Variants in ULK4 observed in about 807,000 individuals in gnomAD.
ULK4 encodes the protein unc-51 like kinase 4, also known as inactive serine/threonine-protein kinase ULK4.
A neutral mutation model predicts 160.6 loss-of-function variants in ULK4; 133 were observed. The ratio of observed to expected loss-of-function variants is 0.83; its 90% CI spans 0.72 to 0.96. ULK4 has a LOEUF of 0.96. Among genes scored for constraint, ULK4 ranks in the 40% least tolerant of loss-of-function variants. The pLI is 0.00. For missense variants in ULK4, 1,580 were observed against 1,499.5 expected (o/e 1.05, Z -0.89); for synonymous variants, 534 against 539.8 (o/e 0.99, Z 0.15).
At chr3:41,956,155 G>A (rs1003749676) in intron 1 of ULK4, among the ~76,000 whole-genome samples, 1 of 152,196 alleles carries the variant, frequency 6.6e-6, no homozygotes, top group Non-Finnish European at 1.5e-5. Context: ...CGTAGTCTTG[G>A]TTTGCAACTT....
At chr3:41,863,770 G>A (rs1315422408) in intron 17 of ULK4, among the ~76,000 whole-genome samples, 1 of 151,726 alleles carries the variant, frequency 6.6e-6, no homozygotes, top group Non-Finnish European at 1.5e-5. Flanking sequence ...CAGGGGCCCC[G>A]TGACTTTAAC....
intron 35 of ULK4, among the ~76,000 whole-genome samples, chr3:41,391,801 C>A (rs576616908): frequency 1.3e-5 from 2 of 152,106 alleles, no homozygotes; most frequent in African/African-American, 2.4e-5. Context: ...GGTAAAGATT[C>A]TTCATGGAAT....
chr3:41,780,962 A>T lies in ULK4; in HGVS notation c.2193+8699T>A, dbSNP rs1362274463. 5.3e-5 allele frequency among the ~76,000 whole-genome samples: 8 copies of T among 152,168 alleles called. No individual in the cohort carries two copies. In the East Asian group the frequency reaches 1.5e-3, roughly 29 times the overall value. ...AAGGTTTTGTTAACCCTTTACCTAT[A>T]GATAAGCAGAGATATAAAGAAAGAG... is the stretch of plus-strand genomic sequence containing the variant. On this transcript the variant is annotated intron_variant, in intron 21 of 36. Transcript: ENST00000301831.
intron 34 of ULK4, among the ~76,000 whole-genome samples, chr3:41,447,672 T>C (rs2083332889): frequency 1.3e-5 from 2 of 152,194 alleles, no homozygotes; most frequent in South Asian, 4.1e-4. Flanking sequence ...TGCTCACCAA[T>C]GCTGCCGGGA....
intron 32 of ULK4, among the ~76,000 whole-genome samples, chr3:41,558,767 C>CG (rs1268374083): frequency 6.6e-6 from 1 of 150,468 alleles, no homozygotes; most frequent in Non-Finnish European, 1.5e-5. Flanking sequence ...CTTCGGTGGG[C>CG]GGGGGGAAAT....
chr3:41,706,898 T>TAGAG lies in ULK4; in HGVS notation c.2635-1594_2635-1593insCTCT, dbSNP rs1308593092. Among the ~76,000 whole-genome samples the TAGAG allele has an allele frequency of 4.2e-3, 539 of 126,858 alleles. 5 individuals carry two copies. Among genetic ancestry groups the TAGAG allele is most frequent in the African/African-American group, 0.021 (502 of 23,618 alleles). The allele number at this position is 126,858 out of a possible 152,430, so 83.2% of individuals were successfully genotyped here. On this transcript the variant is annotated intron_variant, in intron 25 of 36. Transcript: ENST00000301831. ...GTGTGTGTGTGTGTGTGTATATATATATAGAGAGAGAGAGAGAATAGAATC... is the reference window on the plus strand; with the variant it reads ...GTGTGTGTGTGTGTGTGTATATATATAGAGATAGAGAGAGAGAGAGAATAGAATC...
intron 5 of ULK4, among the ~76,000 whole-genome samples, chr3:41,922,539 G>A (rs1237251172): frequency 6.7e-6 from 1 of 149,240 alleles, no homozygotes; most frequent in Non-Finnish European, 1.5e-5. Context: ...GGTGTGAGCA[G>A]CTACACAACA....
intron 35 of ULK4, among the ~76,000 whole-genome samples, chr3:41,310,439 G>GA (rs2080027114): frequency 6.6e-6 from 1 of 152,166 alleles, no homozygotes; most frequent in African/African-American, 2.4e-5. Flanking sequence ...CAATTTATTA[G>GA]AAGCTGGGAG....
At chr3:41,647,929 G>A (rs1048981451) in intron 30 of ULK4, among the ~76,000 whole-genome samples, 9 of 152,152 alleles carry the variant, frequency 5.9e-5, no homozygotes, top group Non-Finnish European at 8.8e-5. Flanking sequence ...CCTCGCTGCC[G>A]CCTTGCAGTT....
intron 32 of ULK4, among the ~76,000 whole-genome samples, chr3:41,556,799 G>C (rs1481185877): frequency 6.6e-6 from 1 of 151,742 alleles, no homozygotes; most frequent in African/African-American, 2.4e-5. Context: ...AACTTTTAAG[G>C]AGTAGATAAT....
chr3:41,750,155 C>G (rs552076456), intron 22 of ULK4, among the ~76,000 whole-genome samples: 1 of 152,182 alleles, frequency 6.6e-6, no homozygotes, highest in African/African-American at 2.4e-5. Flanking sequence ...AGCCCAGACT[C>G]CTGACCCATG....
chr3:41,833,297 T>TGTTTG (rs562838966), intron 18 of ULK4, among the ~76,000 whole-genome samples: 1 of 138,994 alleles, frequency 7.2e-6, no homozygotes, highest in South Asian at 2.3e-4. Context: ...TTTTTTTTTT[T>TGTTTG]TTTGTTTGTT....
chr3:41,864,973 C>A (rs71315515), intron 17 of ULK4, among the ~76,000 whole-genome samples: 2 of 151,838 alleles, frequency 1.3e-5, no homozygotes, highest in African/African-American at 4.8e-5. Context: ...CAAACTTTTT[C>A]TAAGACTTAA....
chr3:41,439,062 C>G (rs2083100206), intron 34 of ULK4, among the ~76,000 whole-genome samples: 1 of 151,378 alleles, frequency 6.6e-6, no homozygotes, highest in African/African-American at 2.4e-5. Flanking sequence ...CAAAAGCCAG[C>G]CAGAGAGTGT....
At chr3:41,908,091 T>G (rs970274709) in intron 11 of ULK4, 150 bp from the exon 12 acceptor site, 1 of 360,182 alleles carries the variant, frequency 2.8e-6, no homozygotes, top group Non-Finnish European at 4.9e-6. Flanking sequence ...TAATTTATGT[T>G]TATATAATTT....
At chr3:41,428,923 A>G (rs920404708) in intron 34 of ULK4, among the ~76,000 whole-genome samples, 6 of 152,198 alleles carry the variant, frequency 3.9e-5, no homozygotes, top group African/African-American at 1.2e-4. Flanking sequence ...TAATTAAACT[A>G]AAGAGTTTCT....
At chr3:41,863,840 C>G (rs76818263) in intron 17 of ULK4, among the ~76,000 whole-genome samples, 6,689 of 151,694 alleles carry the variant, frequency 0.044, 203 homozygotes, top group Non-Finnish European at 0.063. Flanking sequence ...AGTCCTCCCC[C>G]ACTCTTTCCT....
intron 18 of ULK4, among the ~76,000 whole-genome samples, chr3:41,829,315 G>A (rs1278613645): frequency 6.8e-6 from 1 of 146,198 alleles, no homozygotes; most frequent in Non-Finnish European, 1.5e-5. Context: ...TTAAACTAAA[G>A]AGCTTCTGCA....
At chr3:41,587,475 A>G (rs551462733) in intron 31 of ULK4, among the ~76,000 whole-genome samples, 3 of 152,206 alleles carry the variant, frequency 2.0e-5, no homozygotes, top group Non-Finnish European at 4.4e-5. Context: ...TCTGACTGCC[A>G]GACTGATAAA....
Sources: allele counts gnomAD v4.1 joint callset (sites outside exome capture counted in the v4.1 genomes callset), GRCh38; gene constraint gnomAD v4.1.1; transcripts MANE v1.5; gene names NCBI Gene and HGNC (gene_info 2026-07-23, HGNC 2026-07-21).